RSU1: variants seen among roughly 807,000 people sequenced by gnomAD.
The protein encoded by RSU1 is Ras suppressor protein 1, also known as rsu-1.
In RSU1, 26 loss-of-function variants were observed where a neutral mutation model predicts 31.1. The ratio of observed to expected loss-of-function variants is 0.84; its 90% CI spans 0.61 to 1.16. The LOEUF (loss-of-function observed/expected upper bound fraction) is 1.16, where lower values mean the gene tolerates loss of function less well. Among genes scored for constraint, RSU1 ranks in the 50% most tolerant of loss-of-function variants. The pLI, the probability that RSU1 is intolerant of heterozygous loss-of-function variation, is 0.00. For synonymous variants in RSU1, 164 were observed against 136.3 expected, an observed-to-expected ratio of 1.20 and a Z score of -1.41; for missense variants, 320 against 339.1, an observed-to-expected ratio of 0.94 and a Z score of 0.44.
chr10:16,753,926 T>A (rs1837030932), intron 5 of RSU1, among the ~76,000 whole-genome samples: 1 of 152,124 alleles, frequency 6.6e-6, no homozygotes, highest in African/African-American at 2.4e-5. Flanking sequence ...CCTGGCTACT[T>A]TTTAAATTTT....
intron 8 of RSU1, among the ~76,000 whole-genome samples, chr10:16,626,162 C>T (rs1489356798): frequency 1.3e-5 from 2 of 151,708 alleles, no homozygotes; most frequent in Non-Finnish European, 2.9e-5. Context: ...CCTCCCATCT[C>T]GCCTCCTGAA....
intron 2 of RSU1, among the ~76,000 whole-genome samples, chr10:16,791,262 G>C (rs1021105457): frequency 3.9e-5 from 6 of 152,056 alleles, no homozygotes; most frequent in Admixed American, 6.5e-5. Context: ...CCTGACCTCA[G>C]GTGATTCACC....
intron 4 of RSU1, among the ~76,000 whole-genome samples, chr10:16,757,698 G>A (rs184561585): frequency 5.3e-5 from 8 of 152,290 alleles, no homozygotes; most frequent in Admixed American, 5.2e-4. Flanking sequence ...ACATGTGTCT[G>A]GAAACACCCC....
chr10:16,804,395 A>C (rs1838222793), intron 2 of RSU1, among the ~76,000 whole-genome samples: 1 of 152,260 alleles, frequency 6.6e-6, no homozygotes, highest in African/African-American at 2.4e-5. Context: ...CCACTCGAGA[A>C]GACAGCTTAA....
intron 8 of RSU1, among the ~76,000 whole-genome samples, chr10:16,658,351 G>A (rs185530895): frequency 6.6e-6 from 1 of 152,228 alleles, no homozygotes; most frequent in African/African-American, 2.4e-5. Context: ...TTCTCTGCAG[G>A]TATTTATTTC....
intron 8 of RSU1, among the ~76,000 whole-genome samples, chr10:16,603,621 G>A (rs1483277704): frequency 6.6e-6 from 1 of 152,148 alleles, no homozygotes; most frequent in Non-Finnish European, 1.5e-5. Flanking sequence ...AAGAAAATAG[G>A]TAATCCTTTT....
chr10:16,672,527 T>A (rs1835128149), intron 8 of RSU1, among the ~76,000 whole-genome samples: 1 of 151,964 alleles, frequency 6.6e-6, no homozygotes, highest in Non-Finnish European at 1.5e-5. Flanking sequence ...GGACTACAAA[T>A]CAGCAATGAA....
intron 7 of RSU1, among the ~76,000 whole-genome samples, chr10:16,718,107 A>AT (rs1342091630): frequency 6.6e-6 from 1 of 150,938 alleles, no homozygotes; most frequent in Non-Finnish European, 1.5e-5. Context: ...TAAAAAAAAA[A>AT]AAAAAAGAAA....
In RSU1 at chr10:16,681,917, C is replaced by T. The variant is rs189042471; in HGVS notation, c.731+13106G>A. 5.3e-5 allele frequency among the ~76,000 whole-genome samples: 8 copies of T among 152,190 alleles called. No homozygotes were observed. The East Asian group carries it at 1.5e-3, about 29-fold the overall frequency. On this transcript the variant is annotated intron_variant, in intron 8 of 8. Transcript: ENST00000345264. ...ACAAGTCCTATATTCCTTATTTCCC[C>T]TTCTTTTTTCCTTAGTGTTTCACGG...
intron 8 of RSU1, among the ~76,000 whole-genome samples, chr10:16,599,184 T>G (rs757429068): frequency 6.6e-6 from 1 of 152,232 alleles, no homozygotes; most frequent in African/African-American, 2.4e-5. Flanking sequence ...AGACAACCTA[T>G]TCCTTGCAGT....
chr10:16,609,120 T>C (rs1833853190), intron 8 of RSU1, among the ~76,000 whole-genome samples: 1 of 152,168 alleles, frequency 6.6e-6, no homozygotes, highest in South Asian at 2.1e-4. Flanking sequence ...CCTTCTGGGA[T>C]TACAGGTGTG....
chr10:16,679,089 G>C (rs536841889), intron 8 of RSU1, among the ~76,000 whole-genome samples: 1 of 152,170 alleles, frequency 6.6e-6, no homozygotes, highest in Non-Finnish European at 1.5e-5. Flanking sequence ...CTGAGTATTA[G>C]ATAGTGAGAA....
chr10:16,693,786 C>T (rs1409299613), intron 8 of RSU1, among the ~76,000 whole-genome samples: 1 of 152,114 alleles, frequency 6.6e-6, no homozygotes, highest in African/African-American at 2.4e-5. Context: ...TGCCTCAGCC[C>T]AGGCGCTTGA....
intron 8 of RSU1, among the ~76,000 whole-genome samples, chr10:16,640,152 G>A (rs921404753): frequency 2.6e-5 from 4 of 152,046 alleles, no homozygotes; most frequent in South Asian, 4.2e-4. Flanking sequence ...AAGAAGGAAG[G>A]AGAGGGAGAG....
At chr10:16,757,953 G>A (rs921187127) in intron 4 of RSU1, among the ~76,000 whole-genome samples, 4 of 152,222 alleles carry the variant, frequency 2.6e-5, no homozygotes, top group African/African-American at 4.8e-5. Flanking sequence ...GAGGGAAGAG[G>A]CATCTCACCT....
At chr10:16,620,886 T>C (rs1588678518) in intron 8 of RSU1, among the ~76,000 whole-genome samples, 1 of 152,144 alleles carries the variant, frequency 6.6e-6, no homozygotes, top group Non-Finnish European at 1.5e-5. Flanking sequence ...GAATTTTATT[T>C]TGTAAAAAAT....
At chr10:16,804,510 C>T (rs1564363979) in intron 2 of RSU1, among the ~76,000 whole-genome samples, 1 of 152,210 alleles carries the variant, frequency 6.6e-6, no homozygotes, top group Non-Finnish European at 1.5e-5. Context: ...CAAAAATCTG[C>T]ACAACAATGT....
intron 2 of RSU1, among the ~76,000 whole-genome samples, chr10:16,805,696 T>C (rs1159105932): frequency 6.6e-6 from 1 of 151,714 alleles, no homozygotes; most frequent in Non-Finnish European, 1.5e-5. Flanking sequence ...TTTTTTTTTT[T>C]TAAAGAGGGA....
At chr10:16,616,014 T>C (rs966809171) in intron 8 of RSU1, among the ~76,000 whole-genome samples, 1 of 151,166 alleles carries the variant, frequency 6.6e-6, no homozygotes, top group Admixed American at 6.6e-5. Flanking sequence ...AGACAAGAAA[T>C]AAGATCAGAC....
Sources: gnomAD v4.1 joint callset for allele counts (sites outside exome capture counted in the v4.1 genomes callset) on GRCh38, gnomAD v4.1.1 for gene constraint, MANE v1.5 for transcripts, NCBI Gene and HGNC (gene_info 2026-07-23, HGNC 2026-07-21) for gene names.